The following AFF3 variants were observed in gnomAD, a reference collection of about 807,000 sequenced individuals.
AFF3 encodes AF4/FMR2 family member 3.
A neutral mutation model predicts 129.7 loss-of-function variants in AFF3; 32 were observed. That is an observed-to-expected ratio of 0.25 (90% confidence interval 0.19 to 0.33). The LOEUF (loss-of-function observed/expected upper bound fraction) is 0.33, where lower values mean the gene tolerates loss of function less well. AFF3 is among the 10% of genes least tolerant of loss of function. The probability of loss-of-function intolerance (pLI) is 1.00; values close to 1 mark genes in which losing one functional copy is unlikely to be tolerated. For synonymous variants in AFF3, 644 were observed against 635.4 expected, an observed-to-expected ratio of 1.01 and a Z score of -0.20; for missense variants, 1,373 against 1,592.0, an observed-to-expected ratio of 0.86 and a Z score of 2.34.
At chr2:99,652,627 G>A (rs17022849) in intron 12 of AFF3, among the ~76,000 whole-genome samples, 2,311 of 152,206 alleles carry the variant, frequency 0.015, 53 homozygotes, top group African/African-American at 0.054. Flanking sequence ...CGGGGTTGGA[G>A]AGTCCGACAT....
At chr2:99,576,885 TG>T (rs1677048976) in intron 18 of AFF3, among the ~76,000 whole-genome samples, 3 of 152,196 alleles carry the variant, frequency 2.0e-5, no homozygotes, top group African/African-American at 7.2e-5. Context: ...GTTGGCCACC[TG>T]ACTGTACTCC....
chr2:99,920,077 G>C (rs74794840), intron 7 of AFF3, among the ~76,000 whole-genome samples: 1,839 of 151,992 alleles, frequency 0.012, 43 homozygotes, highest in African/African-American at 0.042. Context: ...TGAAATTAAA[G>C]AACTTCCCAA....
intron 7 of AFF3, among the ~76,000 whole-genome samples, chr2:99,877,846 A>G (rs772510308): frequency 6.6e-6 from 1 of 152,214 alleles, no homozygotes; most frequent in Non-Finnish European, 1.5e-5. Context: ...CATTCATGCA[A>G]TAAGTATTAC....
chr2:99,719,039 AC>A (rs1411048277), intron 11 of AFF3, among the ~76,000 whole-genome samples: 1 of 143,234 alleles, frequency 7.0e-6, no homozygotes, highest in African/African-American at 2.6e-5. Flanking sequence ...GTGTGAGCCA[AC>A]GCGCCCGGCC....
intron 12 of AFF3, among the ~76,000 whole-genome samples, chr2:99,655,213 T>TAC (rs59646108): frequency 0.021 from 2,750 of 130,292 alleles, 33 homozygotes; most frequent in Non-Finnish European, 0.026. Context: ...CATGAAAAGC[T>TAC]ACACACACAC....
intron 8 of AFF3, among the ~76,000 whole-genome samples, chr2:99,811,732 A>C (rs2105593445): frequency 6.6e-6 from 1 of 152,374 alleles, no homozygotes; most frequent in East Asian, 1.9e-4. Context: ...AAAGGACAGA[A>C]AGAATTTCTA....
intron 7 of AFF3, among the ~76,000 whole-genome samples, chr2:99,853,721 C>T (rs1223910999): frequency 1.3e-5 from 2 of 152,212 alleles, no homozygotes; most frequent in South Asian, 2.1e-4. Context: ...GTGGGAGCCA[C>T]GTCTGTGCTC....
intron 8 of AFF3, among the ~76,000 whole-genome samples, chr2:99,755,513 T>C (rs1004695588): frequency 3.3e-5 from 5 of 152,142 alleles, no homozygotes; most frequent in African/African-American, 1.2e-4. Context: ...GTGATCCGCC[T>C]GCCTTGGCCT....
chr2:99,983,652 T>C (rs1327477005), intron 7 of AFF3, among the ~76,000 whole-genome samples: 2 of 152,102 alleles, frequency 1.3e-5, no homozygotes, highest in Non-Finnish European at 1.5e-5. Flanking sequence ...AACATAATGA[T>C]CTGGGCAATC....
At chr2:99,915,659 T>C (rs1695427197) in intron 7 of AFF3, among the ~76,000 whole-genome samples, 1 of 152,164 alleles carries the variant, frequency 6.6e-6, no homozygotes, top group South Asian at 2.1e-4. Flanking sequence ...TAATCCCACA[T>C]TTTCACTTTG....
intron 4 of AFF3, among the ~76,000 whole-genome samples, chr2:100,033,077 A>C (rs1043471740): frequency 6.6e-6 from 1 of 152,140 alleles, no homozygotes; most frequent in Admixed American, 6.5e-5. Flanking sequence ...CAACTGTTGG[A>C]AACTAGTTTG....
At chr2:99,832,924 A>T (rs574016362) in intron 8 of AFF3, among the ~76,000 whole-genome samples, 1 of 152,314 alleles carries the variant, frequency 6.6e-6, no homozygotes, top group Non-Finnish European at 1.5e-5. Flanking sequence ...GAAACAAATG[A>T]AATAACTTAT....
chr2:100,094,616 C>T (rs1304268091), intron 4 of AFF3, among the ~76,000 whole-genome samples: 9 of 149,578 alleles, frequency 6.0e-5, no homozygotes, highest in African/African-American at 1.7e-4. Flanking sequence ...ATCCACAGCC[C>T]GGGGGCTGGG....
At position 100,059,254 on chromosome 2, in the gene AFF3, C is replaced by CAAAAAAA. The variant is rs59005550; in HGVS notation, c.53+45141_53+45147dup. 8.1e-4 allele frequency among the ~76,000 whole-genome samples: 25 copies of CAAAAAAA among 31,002 alleles called. 1 individual carries two copies. The highest frequency in any genetic ancestry group is 2.4e-3 in the South Asian group (1 of 412). 20.3% of individuals were successfully genotyped at this position (31,002 alleles called of 152,430 possible). On this transcript the variant is annotated intron_variant, in intron 4 of 24. Transcript: ENST00000672756. ...GGCAACAGAAGTGAGACTCTGTCTC[C>CAAAAAAA]AAAAAAAAAAAAAAAAAAAAAAAAA...
intron 11 of AFF3, among the ~76,000 whole-genome samples, chr2:99,690,236 A>G (rs930783167): frequency 2.0e-5 from 3 of 147,928 alleles, no homozygotes; most frequent in Admixed American, 6.8e-5. Flanking sequence ...GCTGGAGTGC[A>G]GTGGCGCGAT....
At chr2:100,131,284 G>C (rs979690538) in intron 1 of AFF3, among the ~76,000 whole-genome samples, 3 of 152,118 alleles carry the variant, frequency 2.0e-5, no homozygotes, top group African/African-American at 7.2e-5. Flanking sequence ...TTTCGTGGGA[G>C]AGGCTGCCTT....
At chr2:99,918,072 A>G (rs1276852892) in intron 7 of AFF3, among the ~76,000 whole-genome samples, 1 of 152,172 alleles carries the variant, frequency 6.6e-6, no homozygotes, top group Non-Finnish European at 1.5e-5. Flanking sequence ...TAGTTTTCTA[A>G]GTGGAATAAA....
chr2:99,901,873 C>T (rs1694368063), intron 7 of AFF3, among the ~76,000 whole-genome samples: 1 of 152,044 alleles, frequency 6.6e-6, no homozygotes, highest in South Asian at 2.1e-4. Flanking sequence ...AGGCCAACTG[C>T]TTGTCACAGC....
At chr2:99,898,853 G>A (rs977345698) in intron 7 of AFF3, among the ~76,000 whole-genome samples, 4 of 152,140 alleles carry the variant, frequency 2.6e-5, no homozygotes, top group Admixed American at 2.0e-4. Context: ...GGGCTCTCTC[G>A]CTTTGGCCAA....
Sources: gnomAD v4.1 joint callset for allele counts (sites outside exome capture counted in the v4.1 genomes callset) on GRCh38, gnomAD v4.1.1 for gene constraint, MANE v1.5 for transcripts, NCBI Gene and HGNC (gene_info 2026-07-23, HGNC 2026-07-21) for gene names.